BLM: variants seen among roughly 807,000 people sequenced by gnomAD.
The protein encoded by BLM is recQ-like DNA helicase BLM.
Under a neutral mutation model 135.3 loss-of-function variants are expected in BLM, and 95 were observed. The observed-to-expected ratio is 0.70, with a 90% CI of 0.59 to 0.83. The LOEUF (loss-of-function observed/expected upper bound fraction) is 0.83. Ranked by LOEUF, BLM falls within the 40% of genes least tolerant of loss-of-function variation. BLM has a pLI of 0.00. For synonymous variants in BLM, 520 were observed against 589.2 expected, an observed-to-expected ratio of 0.88 and a Z score of 1.70; for missense variants, 1,518 against 1,663.9, an observed-to-expected ratio of 0.91 and a Z score of 1.53.
intron 4 of BLM, among the ~76,000 whole-genome samples, chr15:90,753,939 TA>T (rs894198584): frequency 1.2e-4 from 19 of 152,348 alleles, no homozygotes; most frequent in African/African-American, 4.3e-4. Context: ...TGTTATTGTT[TA>T]AAAAATAATA....
intron 17 of BLM, 97 bp from the exon 18 acceptor site, chr15:90,803,424 G>A (rs1171503831): frequency 3.6e-6 from 4 of 1,113,630 alleles, no homozygotes; most frequent in Non-Finnish European, 4.1e-6. Flanking sequence ...TATTCCATCT[G>A]TCCAAACCTG....
At chr15:90,792,259 C>A (rs893130919) in intron 15 of BLM, among the ~76,000 whole-genome samples, 1 of 151,940 alleles carries the variant, frequency 6.6e-6, no homozygotes, top group Admixed American at 6.6e-5. Flanking sequence ...GCTCCCACCA[C>A]CACACCCAGC....
chr15:90,735,236 A>AATATATATATAT lies in BLM; in HGVS notation c.-4-12128_-4-12117dup, dbSNP rs60589046. ...ACAACATCATAAAAGTGCCTAAGTT[A>AATATATATATAT]ATATATATATATATATATATATATA... On this transcript the variant is annotated intron_variant, in intron 1 of 21. Transcript: ENST00000355112. Among the ~76,000 whole-genome samples the AATATATATATAT allele has an allele frequency of 4.9e-3, 534 of 108,080 alleles. 4 individuals are homozygous for AATATATATATAT. The highest frequency in any genetic ancestry group is 0.012 in the Middle Eastern group (2 of 172). The allele number at this position is 108,080 out of a possible 152,430, so 70.9% of individuals were successfully genotyped here. A position where few individuals can be genotyped will look rare whatever the true frequency, so the allele number is the denominator to read the frequency against.
rs373819952 is a variant in BLM at position 90,769,206 on chromosome 15, T to C, written c.2381T>C (p.Ile794Thr). The change falls in exon 11 of 22, where the codon ATT becomes ACT. Residue 794 changes from isoleucine to threonine, a missense_variant. By Grantham distance (89) the Ile-to-Thr change is moderately conservative. Transcript: ENST00000355112. ...AGGAAGCTCTTGGCACGTTTTGTTA[T>C]TGATGAAGCACATTGTGTCAGTCAG... ...YERKLLARFVIDEAHCVSQWG... is the reference protein window; with the variant it reads ...YERKLLARFVTDEAHCVSQWG... 1.2e-6 allele frequency: 2 copies of C among 1,612,880 alleles called. No individual in the cohort carries two copies. The highest frequency in any genetic ancestry group is 2.7e-5 in the African/African-American group (2 of 74,932).
intron 1 of BLM, among the ~76,000 whole-genome samples, chr15:90,734,687 A>ACG (rs2151135167): frequency 8.1e-6 from 1 of 123,038 alleles, no homozygotes; most frequent in African/African-American, 3.3e-5. Context: ...ACACACACAC[A>ACG]CACACACGCA....
At chr15:90,789,934 T>C (rs1242796508) in intron 14 of BLM, among the ~76,000 whole-genome samples, 1 of 147,456 alleles carries the variant, frequency 6.8e-6, no homozygotes, top group African/African-American at 2.5e-5. Flanking sequence ...GAGTGAACTA[T>C]CACCTTGCTT....
chr15:90,755,542 C>CT (rs948851276), intron 5 of BLM, among the ~76,000 whole-genome samples: 2 of 152,032 alleles, frequency 1.3e-5, no homozygotes, highest in Admixed American at 1.3e-4. Context: ...CAGTGCAAGA[C>CT]TTTGATAAAC....
At chr15:90,781,837 T>C (rs1323547932) in intron 12 of BLM, among the ~76,000 whole-genome samples, 5 of 152,146 alleles carry the variant, frequency 3.3e-5, no homozygotes, top group Non-Finnish European at 7.4e-5. Context: ...AATACGTATA[T>C]TTCCTGTGTG....
chr15:90,768,503 G>A lies in BLM; in HGVS notation c.2308-630G>A, dbSNP rs753260518. On this transcript the variant is annotated intron_variant, in intron 10 of 21. Transcript: ENST00000355112. ...ATATAATTTTTCCCCCAGCCAACAC[G>A]CATCCATATAACCCAGATATGTAAC... Among the ~76,000 whole-genome samples, 11 of 152,064 alleles carry A rather than the reference G, an allele frequency of 7.2e-5. 1 individual carries two copies. Among genetic ancestry groups the A allele is most frequent in the African/African-American group, 1.9e-4 (8 of 41,398 alleles).
At chr15:90,790,238 C>A in intron 14 of BLM, 1 of 283,058 alleles carries the variant, frequency 3.5e-6, no homozygotes, top group Non-Finnish European at 6.8e-6. Context: ...CCTGGGAACA[C>A]CCTGGAGCTC....
intron 14 of BLM, chr15:90,790,176 CG>C (rs1896869032): frequency 5.4e-6 from 1 of 185,802 alleles, no homozygotes; most frequent in South Asian, 1.1e-4. Flanking sequence ...CAGGTAAGAA[CG>C]TATTGTTCCT....
chr15:90,815,069 A>C lies in BLM; in HGVS notation c.4077-33A>C. 6.2e-7 allele frequency: 1 copy of C among 1,610,726 alleles called. No individual in the cohort carries two copies. The highest frequency in any genetic ancestry group is 1.7e-5 in the Admixed American group (1 of 60,006). On this transcript the variant is annotated intron_variant, in intron 21 of 21. Transcript: ENST00000355112. This position sits in a 1 kb window ranked among gnomAD's most constrained non-coding sequence, Gnocchi z 4.6. ...AGGTCATTCATTTTTGGTTTCATTT[A>C]ACATTTTGATTTTTTTCTTTGTCAC...
At chr15:90,770,039 G>C (rs1182163526) in intron 12 of BLM, among the ~76,000 whole-genome samples, 1 of 152,030 alleles carries the variant, frequency 6.6e-6, no homozygotes, top group African/African-American at 2.4e-5. Context: ...GTTGAATCCA[G>C]GATGTTGAAA....
chr15:90,768,813 C>T (rs1046691576), intron 10 of BLM, among the ~76,000 whole-genome samples: 13 of 152,196 alleles, frequency 8.5e-5, no homozygotes, highest in Non-Finnish European at 1.6e-4. Context: ...GCAACCTCCA[C>T]CTCCCGAGTT....
rs542602013 is a variant in BLM, at chr15:90,748,195, G to A, written c.98+705G>A. ...ACAATCTTAGCTCACCGCAACCTCCGTCTTCCGGGTTCAAGTGATTCTCCT... is the reference window on the plus strand; with the variant it reads ...ACAATCTTAGCTCACCGCAACCTCCATCTTCCGGGTTCAAGTGATTCTCCT... On this transcript the variant is annotated intron_variant, in intron 2 of 21. Transcript: ENST00000355112. 4.0e-5 allele frequency among the ~76,000 whole-genome samples: 6 copies of A among 149,506 alleles called. No individual in the cohort carries two copies. The East Asian group carries it at 5.9e-4, about 15-fold the overall frequency.
At chr15:90,781,639 A>G (rs1896619489) in intron 12 of BLM, among the ~76,000 whole-genome samples, 1 of 152,244 alleles carries the variant, frequency 6.6e-6, no homozygotes, top group African/African-American at 2.4e-5. Flanking sequence ...AAAAATAATA[A>G]TACACTAACA....
chr15:90,785,435 C>T (rs985815808), intron 14 of BLM, among the ~76,000 whole-genome samples: 6 of 152,086 alleles, frequency 3.9e-5, no homozygotes, highest in African/African-American at 1.2e-4. Flanking sequence ...CCCCCTAATG[C>T]CTGGAAACCA....
At chr15:90,782,788 T>C (rs760171527) in intron 12 of BLM, 34 bp from the exon 13 acceptor site, 6 of 1,503,668 alleles carry the variant, frequency 4.0e-6, no homozygotes, top group Admixed American at 3.4e-5. Flanking sequence ...TATTTTCTCA[T>C]AATAACTAAA....
At chr15:90,751,405 A>G (rs906597912) in intron 3 of BLM, among the ~76,000 whole-genome samples, 2 of 152,232 alleles carry the variant, frequency 1.3e-5, no homozygotes, top group African/African-American at 4.8e-5. Flanking sequence ...TGTGTTAAAG[A>G]TGATTTGTAC....
Sources: gnomAD v4.1 joint callset for allele counts (sites outside exome capture counted in the v4.1 genomes callset) on GRCh38, gnomAD v4.1.1 for gene constraint, Gnocchi (gnomAD v3.1) non-coding constraint, MANE v1.5 for transcripts, NCBI Gene and HGNC (gene_info 2026-07-23, HGNC 2026-07-21) for gene names.